The following FAM210A variants were observed in gnomAD, a reference collection of about 807,000 sequenced individuals.
FAM210A encodes the protein mitochondrial inner membrane scaffold 1.
FAM210A carries 13 observed loss-of-function variants against 25.3 expected under a neutral mutation model. That is an observed-to-expected ratio of 0.51 (90% confidence interval 0.33 to 0.82). FAM210A has a LOEUF of 0.82. Among genes scored for constraint, FAM210A ranks in the 40% least tolerant of loss-of-function variants. FAM210A has a pLI of 0.02. For synonymous variants in FAM210A, 125 were observed against 118.7 expected (o/e 1.05, Z -0.35); for missense variants, 319 against 323.2 (o/e 0.99, Z 0.10).
At chr18:13,692,664 AT>A (rs1301362267) in intron 1 of FAM210A, among the ~76,000 whole-genome samples, 1 of 152,266 alleles carries the variant, frequency 6.6e-6, no homozygotes, top group East Asian at 1.9e-4. Context: ...ACATAACCAA[AT>A]GAAGGCAGAA....
intron 1 of FAM210A, among the ~76,000 whole-genome samples, chr18:13,689,830 C>T (rs1294707402): frequency 6.6e-6 from 1 of 152,208 alleles, no homozygotes; most frequent in Non-Finnish European, 1.5e-5. Flanking sequence ...ATAGGAACAG[C>T]TCCAGTCTGC....
At chr18:13,678,862 C>A (rs1267490265) in intron 2 of FAM210A, among the ~76,000 whole-genome samples, 1 of 152,192 alleles carries the variant, frequency 6.6e-6, no homozygotes, top group Non-Finnish European at 1.5e-5. Flanking sequence ...GGTTTTGCCT[C>A]ACAGTGGATC....
chr18:13,719,809 G>A (rs1034351169), intron 1 of FAM210A, among the ~76,000 whole-genome samples: 2 of 152,074 alleles, frequency 1.3e-5, no homozygotes, highest in Non-Finnish European at 2.9e-5. Context: ...ATGGACTAAT[G>A]ACTTCACAAG....
intron 1 of FAM210A, among the ~76,000 whole-genome samples, chr18:13,687,380 C>T (rs532530146): frequency 6.6e-5 from 10 of 152,252 alleles, no homozygotes; most frequent in African/African-American, 1.9e-4. Flanking sequence ...CAGAGAGAGG[C>T]CATTTCCTGA....
intron 1 of FAM210A, among the ~76,000 whole-genome samples, chr18:13,724,921 G>A (rs1386244458): frequency 6.6e-6 from 1 of 152,002 alleles, no homozygotes; most frequent in Admixed American, 6.6e-5. Context: ...TTACAGGCAC[G>A]CGCCACCACG....
intron 1 of FAM210A, among the ~76,000 whole-genome samples, chr18:13,700,859 G>C (rs559366393): frequency 6.6e-6 from 1 of 152,170 alleles, no homozygotes; most frequent in African/African-American, 2.4e-5. Flanking sequence ...ACCACTCATA[G>C]ACTGCTAAGT....
At chr18:13,715,062 A>C (rs1002262419) in intron 1 of FAM210A, 2 of 152,134 alleles carry the variant, frequency 1.3e-5, no homozygotes, top group African/African-American at 2.4e-5. Flanking sequence ...ACATATATAT[A>C]TAATCTTATA....
chr18:13,724,478 G>A (rs1484819721), intron 1 of FAM210A, among the ~76,000 whole-genome samples: 1 of 152,098 alleles, frequency 6.6e-6, no homozygotes, highest in African/African-American at 2.4e-5. Flanking sequence ...ACTAACCTTG[G>A]CACCTAAAAG....
intron 2 of FAM210A, among the ~76,000 whole-genome samples, chr18:13,680,999 T>C (rs964200019): frequency 2.0e-5 from 3 of 152,162 alleles, no homozygotes; most frequent in African/African-American, 7.2e-5. Context: ...TTACTGGACT[T>C]GGGTAATATC....
chr18:13,704,996 A>C (rs1452213144), intron 1 of FAM210A, among the ~76,000 whole-genome samples: 1 of 152,224 alleles, frequency 6.6e-6, no homozygotes, highest in African/African-American at 2.4e-5. Context: ...GACCCTAAAA[A>C]GCACTCTTGA....
At chr18:13,700,305 G>A (rs1338094407) in intron 1 of FAM210A, among the ~76,000 whole-genome samples, 1 of 152,236 alleles carries the variant, frequency 6.6e-6, no homozygotes, top group African/African-American at 2.4e-5. Flanking sequence ...ATTATAGTTA[G>A]GACCTGACCA....
At chr18:13,720,836 A>G in intron 1 of FAM210A, among the ~76,000 whole-genome samples, 1 of 152,178 alleles carries the variant, frequency 6.6e-6, no homozygotes, top group East Asian at 1.9e-4. Flanking sequence ...AAGGGGGTGA[A>G]GAAGAATCTG....
intron 1 of FAM210A, among the ~76,000 whole-genome samples, chr18:13,723,257 A>T (rs942170123): frequency 3.9e-5 from 6 of 152,200 alleles, no homozygotes; most frequent in Non-Finnish European, 8.8e-5. Flanking sequence ...AAACACTATA[A>T]TCAATTCAGA....
intron 3 of FAM210A, among the ~76,000 whole-genome samples, chr18:13,670,154 T>C (rs555388196): frequency 8.5e-5 from 13 of 152,236 alleles, no homozygotes; most frequent in African/African-American, 2.9e-4. Context: ...GAAGACATGA[T>C]TCTGAGTTCC....
chr18:13,686,046 A>G (rs543026679), intron 1 of FAM210A, among the ~76,000 whole-genome samples: 1 of 152,356 alleles, frequency 6.6e-6, no homozygotes, highest in African/African-American at 2.4e-5. Context: ...GAAAAAATGA[A>G]TAAAATTCAT....
At chr18:13,691,762 T>TG (rs1199513341) in intron 1 of FAM210A, among the ~76,000 whole-genome samples, 1 of 140,604 alleles carries the variant, frequency 7.1e-6, no homozygotes, top group Non-Finnish European at 1.5e-5. Flanking sequence ...GCACTAAACA[T>TG]GGAAAGGAAC....
intron 1 of FAM210A, among the ~76,000 whole-genome samples, chr18:13,693,113 TAAACACCTCTACACAA>T (rs1469989569): frequency 1.3e-5 from 2 of 152,120 alleles, no homozygotes; most frequent in Non-Finnish European, 2.9e-5. Flanking sequence ...GAGAATACTA[TAAACACCTCTACACAA>T]ATAAACTAGA....
intron 3 of FAM210A, among the ~76,000 whole-genome samples, chr18:13,669,563 A>C (rs1461457073): frequency 1.3e-5 from 2 of 152,084 alleles, no homozygotes; most frequent in African/African-American, 4.8e-5. Context: ...TCTCCCATTG[A>C]AAAACAAATC....
At chr18:13,694,458 T>C (rs575530172) in intron 1 of FAM210A, among the ~76,000 whole-genome samples, 1 of 152,364 alleles carries the variant, frequency 6.6e-6, no homozygotes, top group Admixed American at 6.5e-5. Context: ...GCTACCTGAC[T>C]TCAAACTATA....
Sources: allele counts gnomAD v4.1 joint callset (sites outside exome capture counted in the v4.1 genomes callset), GRCh38; gene constraint gnomAD v4.1.1; transcripts MANE v1.5; gene names NCBI Gene and HGNC (gene_info 2026-07-23, HGNC 2026-07-21).